The following RUNX1T1 variants were observed in gnomAD, a reference collection of about 807,000 sequenced individuals.
The protein encoded by RUNX1T1 is RUNX1 partner transcriptional co-repressor 1.
A neutral mutation model predicts 62.8 loss-of-function variants in RUNX1T1; 4 were observed. The ratio of observed to expected loss-of-function variants is 0.06; its 90% CI spans 0.03 to 0.15. RUNX1T1 has a LOEUF of 0.15. Ranked by LOEUF, RUNX1T1 falls within the 10% of genes least tolerant of loss-of-function variation. The pLI is 1.00. For missense variants in RUNX1T1, 508 were observed against 754.3 expected (o/e 0.67, Z 3.82); for synonymous variants, 291 against 286.0 (o/e 1.02, Z -0.18).
At chr8:92,009,605 T>TG (rs1436247185) in intron 4 of RUNX1T1, 1 of 150,698 alleles carries the variant, frequency 6.6e-6, no homozygotes, top group Non-Finnish European at 1.5e-5. Context: ...CTTCTTTTTT[T>TG]TTTTTTCTTT....
At chr8:92,075,584 A>G (rs1026019826) in intron 2 of RUNX1T1, among the ~76,000 whole-genome samples, 2 of 152,204 alleles carry the variant, frequency 1.3e-5, no homozygotes, top group Admixed American at 6.5e-5. Flanking sequence ...AGAAAACACC[A>G]TCTCCTCGTT....
intron 6 of RUNX1T1, among the ~76,000 whole-genome samples, chr8:91,991,043 C>T (rs1295333640): frequency 1.3e-5 from 2 of 152,294 alleles, no homozygotes; most frequent in South Asian, 2.1e-4. Flanking sequence ...TTCACTTCTT[C>T]TTCAGTATTC....
chr8:91,974,542 C>G (rs184767601), intron 9 of RUNX1T1, among the ~76,000 whole-genome samples: 4 of 152,164 alleles, frequency 2.6e-5, no homozygotes, highest in Admixed American at 2.6e-4. Context: ...TTATTTGTAC[C>G]TCTTATTGGA....
intron 1 of RUNX1T1, among the ~76,000 whole-genome samples, chr8:92,092,407 T>G (rs1837168945): frequency 6.6e-6 from 1 of 152,198 alleles, no homozygotes; most frequent in African/African-American, 2.4e-5. Flanking sequence ...CTAAAGCTTT[T>G]GTATGCAGGC....
At chr8:92,094,901 T>C in intron 1 of RUNX1T1, 1 of 667,948 alleles carries the variant, frequency 1.5e-6, no homozygotes, top group Admixed American at 2.9e-5. Context: ...CTCTCCCTTC[T>C]TCATCTAAAG....
intron 2 of RUNX1T1, among the ~76,000 whole-genome samples, chr8:92,015,124 C>T (rs550269104): frequency 3.0e-4 from 46 of 152,242 alleles, no homozygotes; most frequent in Non-Finnish European, 1.9e-4. Context: ...TGAAATGTTT[C>T]AAAAATAGAA....
At chr8:92,103,228 T>C (rs1289835494), upstream of RUNX1T1, 1 of 279,222 alleles carries the variant, frequency 3.6e-6, no homozygotes, top group East Asian at 5.4e-5. Context: ...AAATGTGATG[T>C]GGGGCGCAGG....
intron 1 of RUNX1T1, chr8:92,081,146 T>C: frequency 1.4e-5 from 4 of 295,622 alleles, no homozygotes; most frequent in Non-Finnish European, 2.0e-5. Context: ...TTAACCTCTC[T>C]AAGCTTCAGA....
intron 1 of RUNX1T1, among the ~76,000 whole-genome samples, chr8:92,078,637 G>A (rs189904746): frequency 4.3e-4 from 66 of 152,250 alleles, no homozygotes; most frequent in African/African-American, 1.3e-3. Flanking sequence ...TTTTCTCAAT[G>A]GTATGAAGTA....
intron 5 of RUNX1T1, among the ~76,000 whole-genome samples, chr8:91,995,181 T>C (rs1410362483): frequency 6.6e-6 from 1 of 152,216 alleles, no homozygotes; most frequent in East Asian, 1.9e-4. Flanking sequence ...CCTTGATCAA[T>C]GAAGGCAAAA....
intron 4 of RUNX1T1, chr8:92,010,705 AAAGAC>A (rs1275697915): frequency 9.1e-6 from 2 of 220,972 alleles, no homozygotes; most frequent in African/African-American, 4.6e-5. Flanking sequence ...TGTTCACTCT[AAAGAC>A]AAGCAAAATG....
intron 1 of RUNX1T1, among the ~76,000 whole-genome samples, chr8:92,018,127 G>A (rs2131177804): frequency 6.6e-6 from 1 of 152,232 alleles, no homozygotes; most frequent in South Asian, 2.1e-4. Context: ...GTATGTGGCA[G>A]ATATGAAGAA....
intron 1 of RUNX1T1, among the ~76,000 whole-genome samples, chr8:92,039,135 TTTG>T (rs1157834557): frequency 1.5e-4 from 22 of 148,328 alleles, no homozygotes; most frequent in Admixed American, 6.1e-4. Flanking sequence ...AAAGGCAATT[TTTG>T]TTGTTGTTTT....
chr8:92,060,553 A>ATATATATATATATGTGTGTGTGTG, intron 1 of RUNX1T1, among the ~76,000 whole-genome samples: 153 of 63,782 alleles, frequency 2.4e-3, no homozygotes, highest in Non-Finnish European at 3.8e-3. Flanking sequence ...ATATATATAT[A>ATATATATATATATGTGTGTGTGTG]TGTGTGTGTG....
intron 9 of RUNX1T1, among the ~76,000 whole-genome samples, chr8:91,973,698 A>T (rs1274396586): frequency 6.6e-6 from 1 of 152,084 alleles, no homozygotes; most frequent in Non-Finnish European, 1.5e-5. Context: ...CAGATGTCAC[A>T]TTCTGCCCTT....
intron 2 of RUNX1T1, among the ~76,000 whole-genome samples, chr8:92,015,230 T>C (rs886465494): frequency 5.9e-5 from 9 of 152,220 alleles, no homozygotes; most frequent in Non-Finnish European, 1.0e-4. Context: ...AGTGTACATT[T>C]GGTGGAGACT....
rs79241155 is a variant in RUNX1T1, at chr8:92,029,624, C to T, written c.8-12261G>A. 9.9e-3 allele frequency among the ~76,000 whole-genome samples: 1,510 copies of T among 152,272 alleles called. 25 individuals carry two copies. Among genetic ancestry groups the T allele is most frequent in the African/African-American group, 0.035 (1,440 of 41,536 alleles). On this transcript the variant is annotated intron_variant, in intron 1 of 10. Coordinates refer to ENST00000396218, the Ensembl canonical transcript of RUNX1T1. ...TATAAAATATCCCAAGTAGCTTCGTCTCCCACACTTGCCACTATCAAATTA... is the reference window on the plus strand; with the variant it reads ...TATAAAATATCCCAAGTAGCTTCGTTTCCCACACTTGCCACTATCAAATTA...
At chr8:92,037,959 G>C (rs1827726580) in intron 1 of RUNX1T1, among the ~76,000 whole-genome samples, 2 of 152,030 alleles carry the variant, frequency 1.3e-5, no homozygotes, top group Non-Finnish European at 2.9e-5. Context: ...CCTTCTCATG[G>C]AATCAATCCT....
At chr8:92,074,841 T>C (rs1834186716) in intron 2 of RUNX1T1, among the ~76,000 whole-genome samples, 2 of 152,096 alleles carry the variant, frequency 1.3e-5, no homozygotes, top group Admixed American at 6.5e-5. Context: ...ATCATCACAG[T>C]ATGAAGAAGG....
Sources: gnomAD v4.1 joint callset for allele counts (sites outside exome capture counted in the v4.1 genomes callset) on GRCh38, gnomAD v4.1.1 for gene constraint, MANE v1.5 for transcripts, NCBI Gene and HGNC (gene_info 2026-07-23, HGNC 2026-07-21) for gene names.